The following PLA2G5 variants were observed in gnomAD, a reference collection of about 807,000 sequenced individuals.
PLA2G5 encodes the protein phospholipase A2 group V, also known as Ca2+-dependent phospholipase A2.
Under a neutral mutation model 15.9 loss-of-function variants are expected in PLA2G5, and 12 were observed. That is an observed-to-expected ratio of 0.76 (90% CI 0.48 to 1.23). The LOEUF is 1.23. PLA2G5 is among the 50% of genes most tolerant of loss of function. PLA2G5 has a pLI of 0.00. For synonymous variants in PLA2G5, 71 were observed against 71.4 expected (o/e 0.99, Z 0.03); for missense variants, 169 against 177.1 (o/e 0.95, Z 0.26).
intron 1 of PLA2G5, among the ~76,000 whole-genome samples, chr1:20,047,258 C>T (rs1053709460): frequency 2.6e-5 from 4 of 152,052 alleles, no homozygotes; most frequent in African/African-American, 9.7e-5. Flanking sequence ...GTGGAAACAA[C>T]TCAGTGGTGA....
chr1:20,086,324 T>C, intron 3 of PLA2G5, 97 bp downstream of exon 3: 1 of 1,316,302 alleles, frequency 7.6e-7, no homozygotes, highest in Non-Finnish European at 1.1e-6. Flanking sequence ...AGTATTAAAG[T>C]ACCATTTTAC....
intron 2 of PLA2G5, among the ~76,000 whole-genome samples, chr1:20,085,287 T>C (rs1269565073): frequency 1.3e-5 from 2 of 152,062 alleles, no homozygotes; most frequent in African/African-American, 4.8e-5. Context: ...AGCTCAGGCT[T>C]GTCCAGCTGG....
At chr1:20,044,102 C>T (rs1289001641) in intron 1 of PLA2G5, among the ~76,000 whole-genome samples, 2 of 152,168 alleles carry the variant, frequency 1.3e-5, no homozygotes, top group Non-Finnish European at 2.9e-5. Flanking sequence ...TGGGAGGAAT[C>T]CTGGGCTGTG....
At chr1:20,074,663 C>G (rs1413842343) in intron 1 of PLA2G5, among the ~76,000 whole-genome samples, 1 of 152,194 alleles carries the variant, frequency 6.6e-6, no homozygotes, top group Non-Finnish European at 1.5e-5. Flanking sequence ...ATAAAAAGTG[C>G]CTTCCGGGGA....
upstream of PLA2G5, among the ~76,000 whole-genome samples, chr1:20,067,791 T>C (rs554251043): frequency 3.0e-4 from 45 of 151,624 alleles, no homozygotes; most frequent in Non-Finnish European, 6.0e-4. Context: ...GATCTAAGCA[T>C]AGGTGGAAAC....
chr1:20,077,649 C>T (rs996673032), intron 1 of PLA2G5, among the ~76,000 whole-genome samples: 3 of 152,188 alleles, frequency 2.0e-5, no homozygotes, highest in African/African-American at 7.2e-5. Flanking sequence ...TTCTGCCTGA[C>T]TTATCTCATC....
At chr1:20,054,735 A>G (rs1027893141) in intron 1 of PLA2G5, 2 of 152,094 alleles carry the variant, frequency 1.3e-5, no homozygotes, top group African/African-American at 2.4e-5. Context: ...CTGTTTCACA[A>G]TTACACATAT....
intron 1 of PLA2G5, among the ~76,000 whole-genome samples, chr1:20,040,602 AC>A (rs1557724965): frequency 5.7e-4 from 87 of 151,632 alleles, no homozygotes; most frequent in African/African-American, 2.1e-3. Context: ...ACACACACAC[AC>A]ACAAACACTC....
At chr1:20,031,311 C>A (rs1477706133) in intron 1 of PLA2G5, among the ~76,000 whole-genome samples, 1 of 152,164 alleles carries the variant, frequency 6.6e-6, no homozygotes, top group East Asian at 1.9e-4. Flanking sequence ...AAGAGGGGAT[C>A]GTGACTGATT....
upstream of PLA2G5, among the ~76,000 whole-genome samples, chr1:20,067,747 T>C (rs116318947): frequency 4.1e-3 from 623 of 151,224 alleles, 10 homozygotes; most frequent in African/African-American, 0.014. Flanking sequence ...TGTAGAAAAA[T>C]AGATCAAAGC....
At chr1:20,077,641 C>G (rs2015762906) in intron 1 of PLA2G5, among the ~76,000 whole-genome samples, 1 of 152,182 alleles carries the variant, frequency 6.6e-6, no homozygotes, top group African/African-American at 2.4e-5. Flanking sequence ...CCGGGCCGTT[C>G]TGCCTGACTT....
intron 1 of PLA2G5, among the ~76,000 whole-genome samples, chr1:20,030,354 A>T (rs2012851781): frequency 6.6e-6 from 1 of 152,020 alleles, no homozygotes; most frequent in Non-Finnish European, 1.5e-5. Flanking sequence ...ATGTGAGAGT[A>T]GGCCAGATTT....
intron 1 of PLA2G5, among the ~76,000 whole-genome samples, chr1:20,077,778 C>T (rs1201481689): frequency 2.6e-5 from 4 of 152,170 alleles, no homozygotes; most frequent in Non-Finnish European, 5.9e-5. Context: ...ACAGCTGAGA[C>T]ACAGATTTGA....
At chr1:20,076,080 C>A (rs1287015744) in intron 1 of PLA2G5, among the ~76,000 whole-genome samples, 1 of 152,076 alleles carries the variant, frequency 6.6e-6, no homozygotes, top group Non-Finnish European at 1.5e-5. Flanking sequence ...ACCTCACTGG[C>A]CAGGCTGGTC....
intron 2 of PLA2G5, 55 bp from the exon 3 acceptor site, chr1:20,086,028 C>G: frequency 1.9e-6 from 3 of 1,602,148 alleles, no homozygotes; most frequent in Non-Finnish European, 2.6e-6. Flanking sequence ...GGCAGTGGGC[C>G]TAAAGCAGGG....
chr1:20,064,001 C>G (rs2014881629), intron 2 of PLA2G5, among the ~76,000 whole-genome samples: 1 of 152,202 alleles, frequency 6.6e-6, no homozygotes, highest in South Asian at 2.1e-4. Context: ...CTCTAGAATG[C>G]AAAATGCACT....
chr1:20,037,700 G>C, intron 1 of PLA2G5, among the ~76,000 whole-genome samples: 1 of 152,316 alleles, frequency 6.6e-6, no homozygotes, highest in South Asian at 2.1e-4. Flanking sequence ...CTAGGGGCTG[G>C]TGCTTTCAAG....
At chr1:20,031,793 C>T (rs1048282203) in intron 1 of PLA2G5, among the ~76,000 whole-genome samples, 14 of 152,112 alleles carry the variant, frequency 9.2e-5, no homozygotes, top group African/African-American at 3.4e-4. Context: ...GGTGAGCACC[C>T]ATCCACTTAG....
intron 1 of PLA2G5, among the ~76,000 whole-genome samples, chr1:20,034,489 A>G (rs1317536490): frequency 3.9e-5 from 6 of 152,196 alleles, no homozygotes; most frequent in Non-Finnish European, 8.8e-5. Flanking sequence ...TTGTTAACTC[A>G]AAGATCTTGG....
Sources: gnomAD v4.1 joint callset for allele counts (sites outside exome capture counted in the v4.1 genomes callset) on GRCh38, gnomAD v4.1.1 for gene constraint, MANE v1.5 for transcripts, NCBI Gene and HGNC (gene_info 2026-07-23, HGNC 2026-07-21) for gene names.